Variants in PKHD1 observed in about 807,000 individuals in gnomAD.
PKHD1 encodes the protein PKHD1 ciliary IPT domain containing fibrocystin/polyductin.
A neutral mutation model predicts 412.0 loss-of-function variants in PKHD1; 291 were observed. The ratio of observed to expected loss-of-function variants is 0.71; its 90% CI spans 0.64 to 0.78. The LOEUF is 0.78. PKHD1 is among the 30% of genes least tolerant of loss of function. PKHD1 has a pLI of 0.00. For synonymous variants in PKHD1, 1,777 were observed against 1,821.5 expected (o/e 0.98, Z 0.62); for missense variants, 4,825 against 4,950.7 (o/e 0.97, Z 0.76).
intron 34 of PKHD1, among the ~76,000 whole-genome samples, chr6:52,014,463 A>G (rs1800202802): frequency 6.6e-6 from 1 of 152,216 alleles, no homozygotes; most frequent in African/African-American, 2.4e-5. Flanking sequence ...CCTAGAACAG[A>G]GTAGGGATGT....
intron 36 of PKHD1, among the ~76,000 whole-genome samples, chr6:51,947,570 G>A (rs540371681): frequency 6.6e-6 from 1 of 152,064 alleles, no homozygotes; most frequent in African/African-American, 2.4e-5. Context: ...AGTAGGTTGG[G>A]TACAAACCCA....
At chr6:51,881,071 CTTTCT>C (rs1203738509) in intron 46 of PKHD1, among the ~76,000 whole-genome samples, 15 of 106,850 alleles carry the variant, frequency 1.4e-4, no homozygotes, top group African/African-American at 4.7e-4. Flanking sequence ...CCCTCTTTTT[CTTTCT>C]TTTTTTTTTT....
chr6:51,982,014 G>A (rs1335218230), intron 35 of PKHD1, among the ~76,000 whole-genome samples: 1 of 78,012 alleles, frequency 1.3e-5, no homozygotes, highest in African/African-American at 3.3e-5. Flanking sequence ...CCGCAACCCC[G>A]TCTGGGAGGT....
At chr6:51,896,744 G>T (rs1044297615) in intron 43 of PKHD1, among the ~76,000 whole-genome samples, 1 of 151,848 alleles carries the variant, frequency 6.6e-6, no homozygotes, top group South Asian at 2.1e-4. Flanking sequence ...CAAACCAAAG[G>T]CAAAGAAGTT....
intron 43 of PKHD1, among the ~76,000 whole-genome samples, chr6:51,893,536 T>A (rs968990444): frequency 3.9e-5 from 6 of 152,200 alleles, no homozygotes; most frequent in Non-Finnish European, 8.8e-5. Context: ...TCAACTCCAA[T>A]TGTGTATGCT....
chr6:51,772,769 G>A lies in PKHD1; in HGVS notation c.8575C>T (p.Leu2859Phe). ...GAGTTCTTAGGATAAGCACTGTAAA[G>A]ATGAACTTTCCCATAAACCCCTGAA... ...GTIGVYGKVHLYSAYPKNSWT... is the reference protein window; with the variant it reads ...GTIGVYGKVHFYSAYPKNSWT... The change falls in exon 55 of 67, where the codon CTT becomes TTT. Residue 2859 changes from leucine (L) to phenylalanine (F), a missense_variant. Transcript: ENST00000371117. The A allele has an allele frequency of 6.3e-7, 1 of 1,590,792 alleles. No homozygotes were observed. The highest frequency in any genetic ancestry group is 1.1e-5 in the South Asian group (1 of 90,640).
At chr6:51,731,790 A>C (rs1386282253) in intron 60 of PKHD1, among the ~76,000 whole-genome samples, 1 of 152,216 alleles carries the variant, frequency 6.6e-6, no homozygotes, top group Non-Finnish European at 1.5e-5. Context: ...GTAGCTATTT[A>C]GTCTTTGAAA....
At chr6:52,064,357 G>A (rs906670477) in intron 13 of PKHD1, among the ~76,000 whole-genome samples, 25 of 152,330 alleles carry the variant, frequency 1.6e-4, no homozygotes, top group Admixed American at 1.5e-3. Flanking sequence ...ATTTGCTGCT[G>A]TAGGGTGGAT....
At chr6:51,694,523 A>G (rs1472366121) in intron 60 of PKHD1, among the ~76,000 whole-genome samples, 1 of 143,460 alleles carries the variant, frequency 7.0e-6, no homozygotes, top group Admixed American at 7.1e-5. Context: ...AGCTCAGATT[A>G]CAGGTGCCCG....
intron 14 of PKHD1, among the ~76,000 whole-genome samples, chr6:52,061,771 T>A (rs1180607194): frequency 1.3e-5 from 2 of 152,038 alleles, no homozygotes; most frequent in African/African-American, 4.8e-5. Context: ...GTCACAGTCA[T>A]CCTCTCTAAG....
intron 46 of PKHD1, among the ~76,000 whole-genome samples, chr6:51,874,756 G>C (rs766440489): frequency 6.8e-6 from 1 of 146,454 alleles, no homozygotes; most frequent in Non-Finnish European, 1.5e-5. Context: ...TTGAAACTCC[G>C]TCTGTACTAA....
intron 36 of PKHD1, among the ~76,000 whole-genome samples, chr6:51,955,225 C>T (rs926084802): frequency 1.3e-4 from 20 of 151,354 alleles, no homozygotes; most frequent in African/African-American, 4.4e-4. Context: ...GGAGGGAGGG[C>T]AGGAAGGAGG....
chr6:51,799,736 G>A (rs983330612), intron 52 of PKHD1, among the ~76,000 whole-genome samples: 6 of 152,138 alleles, frequency 3.9e-5, no homozygotes, highest in Admixed American at 3.9e-4. Context: ...CACTTGCAGA[G>A]GATTTCTCTC....
chr6:51,616,521 T>C lies in PKHD1; in HGVS notation c.*2560A>G. 1 of 390,474 alleles carries C rather than the reference T, an allele frequency of 2.6e-6. No individual in the cohort carries two copies. Among genetic ancestry groups the C allele is most frequent in the East Asian group, 3.6e-5 (1 of 27,682 alleles). 24.2% of individuals were successfully genotyped at this position (390,474 alleles called of 1,614,324 possible). On this transcript the variant is annotated 3_prime_UTR_variant, in exon 67 of 67. Coordinates refer to ENST00000371117, the MANE Select transcript of PKHD1 (RefSeq NM_138694.4). ...TCTTTGCTTTTGGTGTTTCCCTAAT[T>C]CTCTCATTTTTTTTTTTTTTTAGGA...
chr6:51,896,561 G>C lies in PKHD1; in HGVS notation c.6996+7036C>G, dbSNP rs559627295. 3.3e-5 allele frequency among the ~76,000 whole-genome samples: 5 copies of C among 151,346 alleles called. No homozygotes were observed. In the South Asian group the frequency reaches 1.0e-3, roughly 32 times the overall value. On this transcript the variant is annotated intron_variant, in intron 43 of 66. Coordinates refer to ENST00000371117, the MANE Select transcript of PKHD1 (RefSeq NM_138694.4). ...AAAGTAGATAAAACCACAAAGATGG[G>C]GAAAAAACAGAACAGAAAAACTGGA...
chr6:51,676,854 C>A (rs1055970069), intron 60 of PKHD1, among the ~76,000 whole-genome samples: 1 of 151,994 alleles, frequency 6.6e-6, no homozygotes, highest in Non-Finnish European at 1.5e-5. Flanking sequence ...CTAGAATGGG[C>A]AATTCTAAGC....
intron 60 of PKHD1, among the ~76,000 whole-genome samples, chr6:51,702,116 C>T (rs1353097428): frequency 8.7e-6 from 1 of 115,234 alleles, no homozygotes; most frequent in Non-Finnish European, 2.0e-5. Context: ...AGCCCAAATG[C>T]CCATCAATCG....
At chr6:51,894,975 A>C (rs1190164474) in intron 43 of PKHD1, among the ~76,000 whole-genome samples, 1 of 152,236 alleles carries the variant, frequency 6.6e-6, no homozygotes, top group African/African-American at 2.4e-5. Context: ...AATCCTAATT[A>C]ATCACAATTT....
intron 61 of PKHD1, 72 bp from the exon 62 acceptor site, chr6:51,649,292 A>G: frequency 8.8e-7 from 1 of 1,133,292 alleles, no homozygotes; most frequent in Non-Finnish European, 1.3e-6. Flanking sequence ...ATTTTCCACA[A>G]TCCATTATTA....
Sources: gnomAD v4.1 joint callset for allele counts (sites outside exome capture counted in the v4.1 genomes callset) on GRCh38, gnomAD v4.1.1 for gene constraint, MANE v1.5 for transcripts, NCBI Gene and HGNC (gene_info 2026-07-23, HGNC 2026-07-21) for gene names.